CSTPP1: variants seen among roughly 807,000 people sequenced by gnomAD.
CSTPP1 encodes the protein centriolar satellite-associated tubulin polyglutamylase complex regulator 1.
At chr11:47,110,834 G>A in the CSTPP1 span, among the ~76,000 whole-genome samples, 1 of 151,696 alleles carries the variant, frequency 6.6e-6, no homozygotes, top group South Asian at 2.1e-4. Context: ...GAAAGCCATG[G>A]AGGTGGGTTA....
chr11:47,157,146 G>C, the CSTPP1 span: 2 of 1,613,506 alleles, frequency 1.2e-6, no homozygotes, highest in Non-Finnish European at 1.7e-6. Context: ...GGCGGGGCCG[G>C]CACGCTGGAG....
At chr11:46,961,643 A>G in the CSTPP1 span, among the ~76,000 whole-genome samples, 1 of 152,122 alleles carries the variant, frequency 6.6e-6, no homozygotes, top group African/African-American at 2.4e-5. Context: ...AGAAATGGTT[A>G]CCTAAACCAA....
chr11:47,057,864 C>T, the CSTPP1 span, among the ~76,000 whole-genome samples: 21 of 152,244 alleles, frequency 1.4e-4, no homozygotes, highest in East Asian at 1.9e-3. Flanking sequence ...GGGAAGAGAC[C>T]TCAAAACACA....
At chr11:47,143,644 C>T in the CSTPP1 span, among the ~76,000 whole-genome samples, 1 of 152,210 alleles carries the variant, frequency 6.6e-6, no homozygotes, top group South Asian at 2.1e-4. Context: ...CATATTCCTG[C>T]AGCAACTGGA....
the CSTPP1 span, among the ~76,000 whole-genome samples, chr11:47,067,298 T>C: frequency 6.6e-6 from 1 of 152,182 alleles, no homozygotes; most frequent in Admixed American, 6.5e-5. Context: ...AAAAATTTTA[T>C]TGTTTGGAGA....
the CSTPP1 span, among the ~76,000 whole-genome samples, chr11:47,026,319 A>G: frequency 1.3e-5 from 2 of 152,238 alleles, no homozygotes; most frequent in Non-Finnish European, 2.9e-5. Flanking sequence ...CTGGATTTCA[A>G]GTGAAATTAG....
chr11:47,084,697 T>A, the CSTPP1 span, among the ~76,000 whole-genome samples: 1 of 152,200 alleles, frequency 6.6e-6, no homozygotes, highest in Admixed American at 6.5e-5. Flanking sequence ...ATAAATAAAT[T>A]GACCATGTAT....
At chr11:47,163,510 C>A in the CSTPP1 span, among the ~76,000 whole-genome samples, 5 of 152,168 alleles carry the variant, frequency 3.3e-5, no homozygotes, top group Non-Finnish European at 7.3e-5. Context: ...TAAGGTGGCA[C>A]AGAGATGTTT....
the CSTPP1 span, among the ~76,000 whole-genome samples, chr11:47,039,530 AAC>A: frequency 7.9e-6 from 1 of 126,132 alleles, no homozygotes. Context: ...TAGCCACACG[AAC>A]AGATAAAGAC....
At chr11:47,044,202 T>A in the CSTPP1 span, among the ~76,000 whole-genome samples, 1,089 of 152,234 alleles carry the variant, frequency 7.2e-3, 7 homozygotes, top group Middle Eastern at 0.031. Flanking sequence ...TTGGCCAGGC[T>A]GGTCACAAAT....
chr11:46,978,805 T>A, the CSTPP1 span, among the ~76,000 whole-genome samples: 2 of 152,228 alleles, frequency 1.3e-5, no homozygotes, highest in Non-Finnish European at 2.9e-5. Context: ...CAGAGCCACA[T>A]CAACCACAAG....
At chr11:47,137,193 C>A in the CSTPP1 span, 1 of 1,020,730 alleles carries the variant, frequency 9.8e-7, no homozygotes, top group Non-Finnish European at 1.3e-6. Context: ...CACAGCAAGA[C>A]TGTTTGCGTT....
At chr11:47,157,108 T>C in the CSTPP1 span, 1 of 1,614,118 alleles carries the variant, frequency 6.2e-7, no homozygotes, top group Non-Finnish European at 8.5e-7. Context: ...CGTCGTCCAG[T>C]GGGCAGCACC....
the CSTPP1 span, among the ~76,000 whole-genome samples, chr11:47,136,775 C>T: frequency 6.6e-6 from 1 of 152,198 alleles, no homozygotes; most frequent in Non-Finnish European, 1.5e-5. Flanking sequence ...CATTACCAGG[C>T]CCTTCCATAT....
chr11:47,145,779 G>A, the CSTPP1 span, among the ~76,000 whole-genome samples: 8 of 152,026 alleles, frequency 5.3e-5, no homozygotes, highest in African/African-American at 1.7e-4. Flanking sequence ...CCATAGGCAC[G>A]TTCTACAAAG....
the CSTPP1 span, among the ~76,000 whole-genome samples, chr11:47,001,826 T>G: frequency 6.6e-6 from 1 of 152,112 alleles, no homozygotes; most frequent in East Asian, 1.9e-4. Context: ...TTGTTTGGGG[T>G]TCTTCTTGTG....
the CSTPP1 span, among the ~76,000 whole-genome samples, chr11:46,961,477 T>C: frequency 6.6e-6 from 1 of 152,352 alleles, no homozygotes; most frequent in African/African-American, 2.4e-5. Flanking sequence ...TTCTGGATAC[T>C]AGACCCTTAT....
the CSTPP1 span, among the ~76,000 whole-genome samples, chr11:46,962,293 C>T: frequency 1.3e-5 from 2 of 152,142 alleles, no homozygotes; most frequent in East Asian, 3.8e-4. Flanking sequence ...TCATTGGTTT[C>T]TATGTCTGCC....
the CSTPP1 span, among the ~76,000 whole-genome samples, chr11:47,127,659 C>G: frequency 6.6e-6 from 1 of 151,882 alleles, no homozygotes; most frequent in East Asian, 1.9e-4. Flanking sequence ...CTTATCTATG[C>G]CATGTACCAG....
Sources: allele counts gnomAD v4.1 joint callset (sites outside exome capture counted in the v4.1 genomes callset), GRCh38; gene constraint gnomAD v4.1.1; transcripts MANE v1.5; gene names NCBI Gene and HGNC (gene_info 2026-07-23, HGNC 2026-07-21).